Variants in TMCC3 observed in about 807,000 individuals in gnomAD.
The protein encoded by TMCC3 is transmembrane and coiled-coil domain family 3.
A neutral mutation model predicts 40.2 loss-of-function variants in TMCC3; 28 were observed. That is an observed-to-expected ratio of 0.70 (90% CI 0.52 to 0.95). The LOEUF (loss-of-function observed/expected upper bound fraction) is 0.95. TMCC3 is among the 40% of genes least tolerant of loss of function. The pLI, the probability that TMCC3 is intolerant of heterozygous loss-of-function variation, is 0.00. For missense variants in TMCC3, 554 were observed against 615.2 expected (o/e 0.90, Z 1.05); for synonymous variants, 255 against 248.5 (o/e 1.03, Z -0.25).
At chr12:94,613,111 C>G (rs1020058917) in intron 1 of TMCC3, among the ~76,000 whole-genome samples, 1 of 150,854 alleles carries the variant, frequency 6.6e-6, no homozygotes, top group African/African-American at 2.5e-5. Context: ...GATACACACA[C>G]ACACACACAC....
At position 94,642,894 on chromosome 12, in the gene TMCC3, C is replaced by T. The variant is rs2068998302; in HGVS notation, c.78+7459G>A. 2.7e-5 allele frequency among the ~76,000 whole-genome samples: 4 copies of T among 149,052 alleles called. No homozygotes were observed. The South Asian group carries it at 6.2e-4, about 23-fold the overall frequency. Reference sequence around the variant, plus strand: ...CTTTGGTACCATGCGGCAGGGTACACTATAGAAAGTCAACCGGGCCGGGCG... The same window carrying T: ...CTTTGGTACCATGCGGCAGGGTACATTATAGAAAGTCAACCGGGCCGGGCG... On this transcript the variant is annotated intron_variant, in intron 1 of 3. Transcript: ENST00000261226.
rs146813399 is a variant in TMCC3, at chr12:94,630,126, C to A, written c.78+20227G>T. On this transcript the variant is annotated intron_variant, in intron 1 of 3. Transcript: ENST00000261226. Reference sequence around the variant, plus strand: ...ACAAAAAATACAAAAATTAGCCAGGCATGGTGGCAGGCTCCTGTAGTCCCA... The same window carrying A: ...ACAAAAAATACAAAAATTAGCCAGGAATGGTGGCAGGCTCCTGTAGTCCCA... Among the ~76,000 whole-genome samples the A allele has an allele frequency of 5.6e-3, 858 of 152,120 alleles. 8 individuals are homozygous for A. Among genetic ancestry groups the A allele is most frequent in the African/African-American group, 0.02 (812 of 41,508 alleles).
intron 1 of TMCC3, chr12:94,616,277 C>G (rs2068847730): frequency 6.0e-6 from 1 of 165,842 alleles, no homozygotes; most frequent in Non-Finnish European, 1.2e-5. Context: ...CACCCCGACT[C>G]TGGGATTGCA....
intron 3 of TMCC3, among the ~76,000 whole-genome samples, chr12:94,577,942 T>A (rs1298771995): frequency 6.6e-6 from 1 of 150,892 alleles, no homozygotes; most frequent in Non-Finnish European, 1.5e-5. Context: ...AGGTCAGGAG[T>A]TTGAGACCAG....
intron 1 of TMCC3, among the ~76,000 whole-genome samples, chr12:94,623,123 T>C (rs527611546): frequency 6.6e-6 from 1 of 152,112 alleles, no homozygotes; most frequent in East Asian, 1.9e-4. Flanking sequence ...TTCATTTCCA[T>C]CAATACTTAA....
intron 1 of TMCC3, among the ~76,000 whole-genome samples, chr12:94,588,616 G>A (rs2068652155): frequency 6.6e-6 from 1 of 152,182 alleles, no homozygotes; most frequent in South Asian, 2.1e-4. Context: ...AGGTCCACAA[G>A]GACCTGCACG....
At chr12:94,600,030 A>C (rs1474372099) in intron 1 of TMCC3, among the ~76,000 whole-genome samples, 1 of 152,146 alleles carries the variant, frequency 6.6e-6, no homozygotes, top group Non-Finnish European at 1.5e-5. Flanking sequence ...TCTCTAAAAA[A>C]AGGAGTGGTG....
chr12:94,626,526 G>A (rs1030070867), intron 1 of TMCC3, among the ~76,000 whole-genome samples: 4 of 152,188 alleles, frequency 2.6e-5, no homozygotes, highest in African/African-American at 9.7e-5. Flanking sequence ...GCTTTCTGTT[G>A]AAATAGTGAA....
chr12:94,568,262 T>C lies in TMCC3; in HGVS notation c.*3173A>G, dbSNP rs2068506609. ...GCTGTTTCATTATGGATTTCCATTT[T>C]TTTTTTTTTTTTTTGGCAGTTGGGG... is the stretch of plus-strand genomic sequence containing the variant. On this transcript the variant is annotated 3_prime_UTR_variant, in exon 4 of 4. Transcript: ENST00000261226. 1 of 148,362 alleles carries C rather than the reference T, an allele frequency of 6.7e-6. No individual in the cohort carries two copies. Among genetic ancestry groups the C allele is most frequent in the Non-Finnish European group, 1.5e-5 (1 of 67,458 alleles). 9.2% of individuals were successfully genotyped at this position (148,362 alleles called of 1,614,324 possible). A position where few individuals can be genotyped will look rare whatever the true frequency, so the allele number is the denominator to read the frequency against.
At chr12:94,621,569 T>C (rs1400234011) in intron 1 of TMCC3, among the ~76,000 whole-genome samples, 10 of 152,172 alleles carry the variant, frequency 6.6e-5, no homozygotes, top group African/African-American at 2.4e-4. Flanking sequence ...TCAGGAAATC[T>C]CTACTGGAGG....
intron 1 of TMCC3, among the ~76,000 whole-genome samples, chr12:94,626,884 GTCT>G (rs1306491011): frequency 1.3e-5 from 2 of 152,114 alleles, no homozygotes; most frequent in Non-Finnish European, 2.9e-5. Context: ...TTTTGACAGG[GTCT>G]TCTTGTTCTG....
chr12:94,644,412 G>C (rs2069007206), intron 1 of TMCC3: 1 of 985,316 alleles, frequency 1.0e-6, no homozygotes, highest in South Asian at 4.7e-5. Context: ...CAGTCCTGGA[G>C]ATGCCGGCAG....
At chr12:94,617,504 T>C (rs1444482879) in intron 1 of TMCC3, among the ~76,000 whole-genome samples, 1 of 152,232 alleles carries the variant, frequency 6.6e-6, no homozygotes, top group Non-Finnish European at 1.5e-5. Flanking sequence ...TCTTGCCCTT[T>C]TGTGATCATA....
chr12:94,577,741 C>A (rs2068574178), intron 3 of TMCC3, among the ~76,000 whole-genome samples: 2 of 152,174 alleles, frequency 1.3e-5, no homozygotes, highest in Non-Finnish European at 2.9e-5. Flanking sequence ...AGGCAGTGAG[C>A]TGCTTGAAGC....
At chr12:94,594,736 C>T (rs552466012) in intron 1 of TMCC3, among the ~76,000 whole-genome samples, 1 of 152,312 alleles carries the variant, frequency 6.6e-6, no homozygotes, top group Non-Finnish European at 1.5e-5. Context: ...GAGGGTCTGC[C>T]TACTGCCCTG....
chr12:94,646,757 A>G (rs1470339798), intron 1 of TMCC3, among the ~76,000 whole-genome samples: 2 of 140,926 alleles, frequency 1.4e-5, no homozygotes, highest in East Asian at 3.9e-4. Context: ...TTTTTTTAAA[A>G]AACAAATACT....
At chr12:94,620,293 T>G (rs2068868874) in intron 1 of TMCC3, among the ~76,000 whole-genome samples, 2 of 144,098 alleles carry the variant, frequency 1.4e-5, no homozygotes, top group Non-Finnish European at 3.2e-5. Flanking sequence ...TTAATAATTA[T>G]TATTTTTTTT....
intron 1 of TMCC3, among the ~76,000 whole-genome samples, chr12:94,628,450 C>G (rs554411626): frequency 6.6e-6 from 1 of 152,322 alleles, no homozygotes; most frequent in Non-Finnish European, 1.5e-5. Context: ...TGAAACCTCA[C>G]CAGAGCTACC....
At chr12:94,629,998 G>T (rs552121796) in intron 1 of TMCC3, among the ~76,000 whole-genome samples, 44 of 152,342 alleles carry the variant, frequency 2.9e-4, no homozygotes, top group Non-Finnish European at 5.3e-4. Flanking sequence ...AGGCGTGGTG[G>T]CTCATGCCTG....
Sources: allele counts gnomAD v4.1 joint callset (sites outside exome capture counted in the v4.1 genomes callset), GRCh38; gene constraint gnomAD v4.1.1; transcripts MANE v1.5; gene names NCBI Gene and HGNC (gene_info 2026-07-23, HGNC 2026-07-21).